The following IARS1 variants were observed in gnomAD, a reference collection of about 807,000 sequenced individuals.
IARS1 encodes the protein isoleucine--tRNA ligase, cytoplasmic.
In IARS1, 124 loss-of-function variants were observed where a neutral mutation model predicts 168.2. The observed-to-expected ratio is 0.74, with a 90% CI of 0.64 to 0.86. IARS1 has a LOEUF of 0.86. IARS1 is among the 40% of genes least tolerant of loss of function. The pLI is 0.00. For missense variants in IARS1, 1,452 were observed against 1,515.8 expected (o/e 0.96, Z 0.70); for synonymous variants, 532 against 529.4 (o/e 1.00, Z -0.07).
chr9:92,250,639 C>T lies in IARS1; in HGVS notation c.2429+74G>A. On this transcript the variant is annotated intron_variant, in intron 23 of 33. Transcript: ENST00000443024. ...AGATGGAGCTGGAGCAGGGAAATCC[C>T]TCCTCTTCCCCACATGCTTGAGCAA... 2.1e-6 allele frequency: 3 copies of T among 1,441,564 alleles called. No homozygotes were observed. In the South Asian group the frequency reaches 4.2e-5, roughly 20 times the overall value. The allele number at this position is 1,441,564 out of a possible 1,614,324, so 89.3% of individuals were successfully genotyped here. A position where few individuals can be genotyped will look rare whatever the true frequency, so the allele number is the denominator to read the frequency against.
chr9:92,223,860 T>C (rs1825208729), intron 31 of IARS1, among the ~76,000 whole-genome samples: 1 of 152,218 alleles, frequency 6.6e-6, no homozygotes, highest in African/African-American at 2.4e-5. Context: ...AGATGTTATT[T>C]GACTCAGGAG....
At chr9:92,279,262 CCA>C (rs960964530) in intron 7 of IARS1, among the ~76,000 whole-genome samples, 25 of 152,200 alleles carry the variant, frequency 1.6e-4, no homozygotes, top group Non-Finnish European at 2.6e-4. Context: ...TAAGTGGGGA[CCA>C]CAGTTTCTGA....
Position 92,250,298 on chromosome 9 carries a change from T to G in IARS1, c.2430-9A>C, listed in dbSNP as rs749307136. 2 of 1,502,218 alleles carry G rather than the reference T, an allele frequency of 1.3e-6. No homozygotes were observed. Among genetic ancestry groups the G allele is most frequent in the Non-Finnish European group, 9.3e-7 (1 of 1,078,322 alleles). The allele number at this position is 1,502,218 out of a possible 1,614,324, so 93.1% of individuals were successfully genotyped here. The stretch of plus-strand genomic sequence containing the variant: ...TGTCAATCAATTCTTCTCTGAGTGG[T>G]AGAGGTAGGAATATGAAAGAGTTTA... On this transcript the variant is annotated splice_polypyrimidine_tract_variant and intron_variant, in intron 23 of 33. Transcript: ENST00000443024.
chr9:92,228,461 C>T (rs1400228003), intron 31 of IARS1, among the ~76,000 whole-genome samples: 1 of 152,224 alleles, frequency 6.6e-6, no homozygotes, highest in South Asian at 2.1e-4. Context: ...CCTGGAATCT[C>T]GGCACTTTGG....
chr9:92,249,441 T>A (rs1338052050), intron 25 of IARS1, among the ~76,000 whole-genome samples: 3 of 152,090 alleles, frequency 2.0e-5, no homozygotes, highest in Non-Finnish European at 4.4e-5. Context: ...TAATCCCAGC[T>A]ACTCGGGAGG....
chr9:92,288,294 T>TA lies in IARS1; in HGVS notation c.120-13dup. 1 of 1,613,476 alleles carries TA rather than the reference T, an allele frequency of 6.2e-7. No individual in the cohort carries two copies. The highest frequency in any genetic ancestry group is 1.1e-5 in the South Asian group (1 of 91,020). Reference sequence around the variant, plus strand: ...CATAGAAGGTAAATCTAACAGGTAATAAAAATATATCAAGCCATTTAAAAA... The same window carrying TA: ...CATAGAAGGTAAATCTAACAGGTAATAAAAAATATATCAAGCCATTTAAAAA... On this transcript the variant is annotated splice_polypyrimidine_tract_variant and intron_variant, in intron 2 of 33. Transcript: ENST00000443024.
At chr9:92,241,080 T>C (rs1258213561) in intron 29 of IARS1, 119 bp from the exon 30 acceptor site, 7 of 581,930 alleles carry the variant, frequency 1.2e-5, no homozygotes, top group Non-Finnish European at 1.9e-5. Context: ...TGATAACATA[T>C]TCAATCTCAT....
intron 20 of IARS1, 59 bp downstream of exon 20, chr9:92,256,621 A>G (rs9299403): frequency 0.33 from 480,250 of 1,468,812 alleles, 85,037 homozygotes; most frequent in African/African-American, 0.65. Flanking sequence ...AAATATCAAA[A>G]GGGCAGTTAC....
In IARS1 at chr9:92,237,937, G is replaced by A. The variant is rs191912010; in HGVS notation, c.3283+2919C>T. Among the ~76,000 whole-genome samples, 228 of 152,022 alleles carry A rather than the reference G, an allele frequency of 1.5e-3. 1 individual carries two copies. The highest frequency in any genetic ancestry group is 0.014 in the East Asian group (74 of 5,160). ...GCTTGTTTTTTTGAGACAGAGTCTC[G>A]CTCTGTCACCCAGTATAGAGTATAG... On this transcript the variant is annotated intron_variant, in intron 30 of 33. Coordinates refer to ENST00000443024, the MANE Select transcript of IARS1 (RefSeq NM_002161.6).
intron 14 of IARS1, among the ~76,000 whole-genome samples, chr9:92,265,901 A>G (rs1832228807): frequency 6.6e-6 from 1 of 152,158 alleles, no homozygotes; most frequent in Non-Finnish European, 1.5e-5. Context: ...TCGAGCTATC[A>G]GCCACCCTCA....
intron 6 of IARS1, among the ~76,000 whole-genome samples, chr9:92,281,466 G>A (rs1330765377): frequency 6.6e-6 from 1 of 151,946 alleles, no homozygotes; most frequent in Non-Finnish European, 1.5e-5. Flanking sequence ...GTCTAAGTAG[G>A]AACATATGAT....
intron 9 of IARS1, among the ~76,000 whole-genome samples, chr9:92,274,798 T>C (rs536519211): frequency 6.6e-6 from 1 of 152,326 alleles, no homozygotes; most frequent in African/African-American, 2.4e-5. Context: ...TTTTCATTAG[T>C]TCTCCCTCCC....
intron 20 of IARS1, among the ~76,000 whole-genome samples, chr9:92,255,660 A>G (rs1446160616): frequency 6.6e-6 from 1 of 152,226 alleles, no homozygotes. Flanking sequence ...TAAGTTATAA[A>G]TGCATTAATA....
Position 92,223,241 on chromosome 9 carries a change from A to G in IARS1, c.3553+105T>C, listed in dbSNP as rs1839914733. On this transcript the variant is annotated intron_variant, in intron 32 of 33. Transcript: ENST00000443024. The stretch of plus-strand genomic sequence containing the variant: ...AAAGTTGCGTGAGAGCCCACACTTT[A>G]AAGCAATACTTTGAAGCCGACTAGA... The G allele has an allele frequency of 3.6e-6, 4 of 1,096,750 alleles. No homozygotes were observed. The African/African-American group carries it at 6.2e-5, about 17-fold the overall frequency. The allele number at this position is 1,096,750 out of a possible 1,614,324, so 67.9% of individuals were successfully genotyped here. A position where few individuals can be genotyped will look rare whatever the true frequency, so the allele number is the denominator to read the frequency against.
rs565370234 is a variant in IARS1 at position 92,224,822 on chromosome 9, G to A, written c.3410-1333C>T. On this transcript the variant is annotated intron_variant, in intron 31 of 33. Coordinates refer to ENST00000443024, the MANE Select transcript of IARS1 (RefSeq NM_002161.6). ...CACTCCAGCCTGAGTGATCGAGTGA[G>A]ACCCTGTCTCAAAAAATAAAAAATA... Among the ~76,000 whole-genome samples, 6 of 141,994 alleles carry A rather than the reference G, an allele frequency of 4.2e-5. 1 individual carries two copies. The South Asian group carries it at 1.3e-3, about 32-fold the overall frequency. 93.2% of individuals were successfully genotyped at this position (141,994 alleles called of 152,430 possible).
intron 30 of IARS1, among the ~76,000 whole-genome samples, chr9:92,239,468 T>G (rs1828032762): frequency 6.6e-6 from 1 of 152,194 alleles, no homozygotes; most frequent in African/African-American, 2.4e-5. Context: ...CACACAAGAC[T>G]TTTTTTGTCT....
At chr9:92,277,192 T>C (rs1833889155) in intron 9 of IARS1, among the ~76,000 whole-genome samples, 1 of 151,988 alleles carries the variant, frequency 6.6e-6, no homozygotes, top group Non-Finnish European at 1.5e-5. Context: ...AAATAAAAAA[T>C]CCCAGCTTGG....
chr9:92,217,014 T>C (rs1838817315), intron 33 of IARS1, among the ~76,000 whole-genome samples: 1 of 149,770 alleles, frequency 6.7e-6, no homozygotes, highest in African/African-American at 2.4e-5. Context: ...ATTGACCACA[T>C]ACTTGGAAGT....
chr9:92,229,220 C>G (rs1826245304), intron 30 of IARS1, 94 bp from the exon 31 acceptor site: 6 of 1,327,636 alleles, frequency 4.5e-6, no homozygotes, highest in Non-Finnish European at 6.2e-6. Flanking sequence ...GGGGTTCAAG[C>G]CCTAATATTT....
Sources: allele counts gnomAD v4.1 joint callset (sites outside exome capture counted in the v4.1 genomes callset), GRCh38; gene constraint gnomAD v4.1.1; transcripts MANE v1.5; gene names NCBI Gene and HGNC (gene_info 2026-07-23, HGNC 2026-07-21).